Variants in CKAP5 observed in about 807,000 individuals in gnomAD.
The protein encoded by CKAP5 is cytoskeleton-associated protein 5.
A neutral mutation model predicts 232.8 loss-of-function variants in CKAP5; 27 were observed. That is an observed-to-expected ratio of 0.12 (90% CI 0.09 to 0.16). CKAP5 has a LOEUF of 0.16. CKAP5 is among the 10% of genes least tolerant of loss of function. The probability of loss-of-function intolerance (pLI) is 1.00; values close to 1 mark genes in which losing one functional copy is unlikely to be tolerated. For missense variants in CKAP5, 1,838 were observed against 2,424.7 expected, an observed-to-expected ratio of 0.76 and a Z score of 5.08; for synonymous variants, 785 against 841.1, an observed-to-expected ratio of 0.93 and a Z score of 1.16.
rs140751594 is a variant in CKAP5, at chr11:46,817,094, G to C, written c.252-690C>G. Reference sequence around the variant, plus strand: ...GCACTCCAGCCAGGGCAACAAGTACGAAACTGTGTATCAAAAAGAAAAAAA... The same window carrying C: ...GCACTCCAGCCAGGGCAACAAGTACCAAACTGTGTATCAAAAAGAAAAAAA... On this transcript the variant is annotated intron_variant, in intron 3 of 43. Coordinates refer to ENST00000529230, the MANE Select transcript of CKAP5 (RefSeq NM_001008938.4). Among the ~76,000 whole-genome samples the C allele has an allele frequency of 6.0e-3, 893 of 149,128 alleles. 6 individuals are homozygous for C. Among genetic ancestry groups the C allele is most frequent in the African/African-American group, 0.021 (859 of 40,680 alleles).
At chr11:46,790,823 A>AT (rs1000734420) in intron 13 of CKAP5, among the ~76,000 whole-genome samples, 6 of 151,542 alleles carry the variant, frequency 4.0e-5, no homozygotes, top group South Asian at 2.1e-4. Context: ...ATTAAAAAAA[A>AT]TTTTTTTTGT....
chr11:46,796,707 C>T, intron 12 of CKAP5, 105 bp downstream of exon 12: 4 of 1,265,892 alleles, frequency 3.2e-6, no homozygotes, highest in Non-Finnish European at 4.3e-6. Flanking sequence ...AAATCAAGAA[C>T]TCCTCATCAA....
chr11:46,760,385 GA>G, intron 33 of CKAP5: 3 of 674,640 alleles, frequency 4.4e-6, no homozygotes, highest in Non-Finnish European at 5.4e-6. Context: ...TCTGTCCACG[GA>G]AAAGCAGTGA....
Position 46,743,869 on chromosome 11 carries a change from A to T in CKAP5, c.*154T>A. The T allele has an allele frequency of 1.1e-6, 1 of 903,468 alleles. No homozygotes were observed. Among genetic ancestry groups the T allele is most frequent in the Non-Finnish European group, 1.7e-6 (1 of 590,846 alleles). The allele number at this position is 903,468 out of a possible 1,614,324, so 56.0% of individuals were successfully genotyped here. On this transcript the variant is annotated 3_prime_UTR_variant, in exon 44 of 44. Coordinates refer to ENST00000529230, the MANE Select transcript of CKAP5 (RefSeq NM_001008938.4). ...TGACAGAGAGAAGCAGAGTATGTAC[A>T]AATACTTGTGCCACAATGACTCCTC...
intron 20 of CKAP5, 79 bp downstream of exon 20, chr11:46,780,115 G>A (rs2065326933): frequency 6.1e-6 from 9 of 1,472,678 alleles, no homozygotes; most frequent in African/African-American, 1.4e-5. Flanking sequence ...CTACAGGCGT[G>A]CACCACTACA....
chr11:46,838,674 T>C (rs1463573543), intron 1 of CKAP5, among the ~76,000 whole-genome samples: 1 of 139,618 alleles, frequency 7.2e-6, no homozygotes, highest in Non-Finnish European at 1.5e-5. Context: ...CACTCGCCTG[T>C]AGTCCCAGCC....
In CKAP5 at chr11:46,795,665, C is replaced by T. The variant is rs778951546; in HGVS notation, c.1579G>A (p.Ala527Thr). ...ATGTCCTTTGTGTCCTTATCTCCTG[C>T]AGCCCCTGAAGCAGCAGTCCTTCCA... ...LPGRTAASGA[A>T]GDKDTKDISA... is the part of the protein sequence containing the mutation. Residue 527 changes from alanine to threonine, a missense_variant, in exon 13 of 44, where the codon GCA (alanine) becomes ACA (threonine). Physicochemically the swap from Ala to Thr is moderately conservative, Grantham distance 58. Around this residue, in one of 6 missense-constraint regions of CKAP5, gnomAD observed 767 missense variants for 954.6 expected, o/e 0.80. Coordinates refer to ENST00000529230, the MANE Select transcript of CKAP5 (RefSeq NM_001008938.4). 52 of 1,614,012 alleles carry T rather than the reference C, an allele frequency of 3.2e-5. No homozygotes were observed. The highest frequency in any genetic ancestry group is 4.3e-5 in the Non-Finnish European group (51 of 1,180,006).
intron 4 of CKAP5, among the ~76,000 whole-genome samples, chr11:46,813,939 C>T (rs1939334261): frequency 6.6e-6 from 1 of 151,664 alleles, no homozygotes; most frequent in Non-Finnish European, 1.5e-5. Flanking sequence ...CCAGACCAGC[C>T]TGACCAACAT....
At chr11:46,756,256 A>AT (rs559747817) in intron 35 of CKAP5, among the ~76,000 whole-genome samples, 66 of 152,172 alleles carry the variant, frequency 4.3e-4, no homozygotes, top group African/African-American at 1.3e-3. Flanking sequence ...GTGGCACATA[A>AT]TATCTTTCAT....
intron 35 of CKAP5, 172 bp downstream of exon 35, chr11:46,758,751 C>A: frequency 1.6e-6 from 1 of 614,488 alleles, no homozygotes. Context: ...ATTAGAGTCA[C>A]ATCCTCTGAG....
chr11:46,829,239 A>G (rs1407882226), intron 1 of CKAP5, among the ~76,000 whole-genome samples: 1 of 152,196 alleles, frequency 6.6e-6, no homozygotes, highest in Non-Finnish European at 1.5e-5. Context: ...CCTCTTCCTC[A>G]GCCTATTCGA....
intron 13 of CKAP5, among the ~76,000 whole-genome samples, chr11:46,792,573 A>T (rs138182008): frequency 6.6e-6 from 1 of 152,044 alleles, no homozygotes; most frequent in East Asian, 1.9e-4. Context: ...AAAAACAACA[A>T]CAACAACAAC....
chr11:46,778,289 T>C lies in CKAP5; in HGVS notation c.2598A>G (p.Val866=). 7 of 1,613,752 alleles carry C rather than the reference T, an allele frequency of 4.3e-6. No individual in the cohort carries two copies. Among genetic ancestry groups the C allele is most frequent in the Non-Finnish European group, 5.9e-6 (7 of 1,179,830 alleles). The part of the protein sequence containing the change: ...EISDKITSEL[V]SKIGDKNWKI... ...TCCAATTCTTATCACCAATCTTAGA[T>C]ACCAACTCTGAAGTGATTTTATCAC... The change falls in exon 22 of 44, where the codon GTA becomes GTG. Residue 866 remains valine (V), a synonymous_variant. Coordinates refer to ENST00000529230, the MANE Select transcript of CKAP5 (RefSeq NM_001008938.4).
chr11:46,795,139 G>T (rs1938839035), intron 13 of CKAP5, among the ~76,000 whole-genome samples: 1 of 152,050 alleles, frequency 6.6e-6, no homozygotes, highest in Non-Finnish European at 1.5e-5. Flanking sequence ...GACCAACCTG[G>T]CCAACATGGC....
At chr11:46,826,745 C>T (rs1404989674) in intron 1 of CKAP5, 1 of 152,900 alleles carries the variant, frequency 6.5e-6, no homozygotes, top group African/African-American at 2.4e-5. Context: ...GCCCTTTGCC[C>T]GTGGTTTGAC....
chr11:46,810,892 T>A (rs1343755266), intron 5 of CKAP5, 115 bp downstream of exon 5: 1 of 1,010,614 alleles, frequency 9.9e-7, no homozygotes. Flanking sequence ...AAAGCTGATT[T>A]CAAAATTAAG....
chr11:46,799,397 T>G (rs770815791), intron 9 of CKAP5, among the ~76,000 whole-genome samples: 1 of 152,136 alleles, frequency 6.6e-6, no homozygotes, highest in Non-Finnish European at 1.5e-5. Context: ...ATGGTTCCCA[T>G]GGAAAAATAC....
intron 34 of CKAP5, 52 bp downstream of exon 34, chr11:46,759,217 G>A: frequency 1.3e-6 from 2 of 1,557,334 alleles, no homozygotes; most frequent in Admixed American, 3.7e-5. Context: ...TTTCACGTAG[G>A]CCGTCTGATC....
At chr11:46,798,196 A>G (rs1163978865) in intron 9 of CKAP5, 24 bp from the exon 10 acceptor site, 7 of 1,465,978 alleles carry the variant, frequency 4.8e-6, no homozygotes, top group Non-Finnish European at 6.7e-6. Context: ...TGGCTAGCAC[A>G]TTATTCAGCA....
Sources: allele counts gnomAD v4.1 joint callset (sites outside exome capture counted in the v4.1 genomes callset), GRCh38; gene constraint gnomAD v4.1.1; regional missense constraint gnomAD v4.1.1; transcripts MANE v1.5; gene names NCBI Gene and HGNC (gene_info 2026-07-23, HGNC 2026-07-21).